Variants in FBF1 observed in about 807,000 individuals in gnomAD.
The protein encoded by FBF1 is Fas binding factor 1, also known as fas-binding factor 1.
Under a neutral mutation model 147.2 loss-of-function variants are expected in FBF1, and 119 were observed. That is an observed-to-expected ratio of 0.81 (90% confidence interval 0.70 to 0.94). The LOEUF (loss-of-function observed/expected upper bound fraction) is 0.94. Among genes scored for constraint, FBF1 ranks in the 40% least tolerant of loss-of-function variants. FBF1 has a pLI of 0.00. For missense variants in FBF1, 1,449 were observed against 1,500.8 expected, an observed-to-expected ratio of 0.97 and a Z score of 0.57; for synonymous variants, 601 against 609.0, an observed-to-expected ratio of 0.99 and a Z score of 0.19.
intron 3 of FBF1, 127 bp downstream of exon 3, chr17:75,937,439 G>A: frequency 4.9e-6 from 5 of 1,011,660 alleles, no homozygotes; most frequent in South Asian, 2.7e-5. Flanking sequence ...CAAAGCGCTG[G>A]GATTACAGGT....
chr17:75,913,974 C>G lies in FBF1; in HGVS notation c.3068G>C (p.Arg1023Pro), dbSNP rs775509470. ...AQQVQAEQQA[R>P]LQAVQQQQER... is the part of the protein sequence containing the mutation. The stretch of plus-strand genomic sequence containing the variant: ...CTGCTGTTGCTGCACCGCCTGCAAC[C>G]GGGCCTGCTGCTCTGCCTGCACCTG... The change falls in exon 27 of 30, where the codon CGG becomes CCG. Residue 1023 changes from arginine to proline, a missense_variant. Coordinates refer to ENST00000636174, the MANE Select transcript of FBF1 (RefSeq NM_001319193.2). 6.4e-7 allele frequency: 1 copy of G among 1,561,158 alleles called. No homozygotes were observed. Among genetic ancestry groups the G allele is most frequent in the South Asian group, 1.2e-5 (1 of 85,694 alleles).
In FBF1 at chr17:75,920,364, C is replaced by T. The variant is rs755259361; in HGVS notation, c.1740G>A (p.Leu580=). The T allele has an allele frequency of 1.9e-6, 3 of 1,606,144 alleles. No individual in the cohort carries two copies. Among genetic ancestry groups the T allele is most frequent in the African/African-American group, 1.3e-5 (1 of 74,920 alleles). The part of the protein sequence containing the change: ...LPSTEYQKQL[L]AAQVQLQCSP... Reference sequence around the variant, plus strand: ...TGCACTGAAGTTGCACCTGTGCTGCCAGGAGCTGCTTCTGGTATTCTGTGC... The same window carrying T: ...TGCACTGAAGTTGCACCTGTGCTGCTAGGAGCTGCTTCTGGTATTCTGTGC... The change falls in exon 18 of 30, where the codon CTG becomes CTA. Residue 580 remains leucine, a synonymous_variant. Transcript: ENST00000636174.
intron 23 of FBF1, among the ~76,000 whole-genome samples, chr17:75,916,094 C>A (rs1315934606): frequency 6.7e-6 from 1 of 149,974 alleles, no homozygotes; most frequent in African/African-American, 2.5e-5. Flanking sequence ...CCAAAGTGGG[C>A]AGCTTGTCTG....
At chr17:75,921,415 C>T in intron 16 of FBF1, 57 bp downstream of exon 16, 2 of 1,565,642 alleles carry the variant, frequency 1.3e-6, no homozygotes, top group Non-Finnish European at 1.7e-6. Flanking sequence ...AAGCTCAAAG[C>T]ACCTCTTCCT....
Position 75,910,369 on chromosome 17 carries a change from C to T in FBF1, c.*354G>A. ...AGGCCCAGGCAAAAAGAGCCCACAACAGTCTACCTGTGGAGCAGGGGGAGC... is the reference window on the plus strand; with the variant it reads ...AGGCCCAGGCAAAAAGAGCCCACAATAGTCTACCTGTGGAGCAGGGGGAGC... On this transcript the variant is annotated 3_prime_UTR_variant, in exon 30 of 30. Coordinates refer to ENST00000636174, the MANE Select transcript of FBF1 (RefSeq NM_001319193.2). This position sits in a 1 kb window ranked among gnomAD's most constrained non-coding sequence, Gnocchi z 4.1. The T allele has an allele frequency of 2.9e-6, 1 of 341,550 alleles. No individual in the cohort carries two copies. Among genetic ancestry groups the T allele is most frequent in the Non-Finnish European group, 5.5e-6 (1 of 180,314 alleles). The allele number at this position is 341,550 out of a possible 1,614,324, so 21.2% of individuals were successfully genotyped here.
At chr17:75,915,516 G>A (rs560236597) in intron 23 of FBF1, among the ~76,000 whole-genome samples, 1 of 152,334 alleles carries the variant, frequency 6.6e-6, no homozygotes, top group African/African-American at 2.4e-5. Context: ...TGTGGGCCCA[G>A]CCACACACAG....
chr17:75,917,785 C>A lies in FBF1; in HGVS notation c.2452G>T (p.Val818Phe), dbSNP rs2065497584. The change falls in exon 23 of 30, where the codon GTC (valine) becomes TTC (phenylalanine). Residue 818 changes from valine (V) to phenylalanine (F), a missense_variant. Val to Phe is a conservative substitution (Grantham distance 50). Transcript: ENST00000636174. ...AGCCGTGCCTCCATCTTCCCGATGA[C>A]CTCCTGTTGCCGGCTCCGCTCCTCC... ...MEEERSRQQE[V>F]IGKMEARLNE... 1.2e-6 allele frequency: 2 copies of A among 1,610,944 alleles called. No homozygotes were observed. The highest frequency in any genetic ancestry group is 2.7e-5 in the African/African-American group (2 of 74,872).
In FBF1 at chr17:75,926,181, C is replaced by T. The variant is rs764692725; in HGVS notation, c.735-18G>A. 83 of 1,605,252 alleles carry T rather than the reference C, an allele frequency of 5.2e-5. 3 individuals are homozygous for T. The highest frequency in any genetic ancestry group is 3.8e-4 in the South Asian group (34 of 90,074). On this transcript the variant is annotated intron_variant, in intron 11 of 29. Transcript: ENST00000636174. Reference sequence around the variant, plus strand: ...GCCCTTCCCTGCAGGACGGGACACACGGCAGGAACGTGTAGGTATGAGGGG... The same window carrying T: ...GCCCTTCCCTGCAGGACGGGACACATGGCAGGAACGTGTAGGTATGAGGGG...
chr17:75,938,689 C>A (rs1430579380), intron 1 of FBF1, among the ~76,000 whole-genome samples: 2 of 151,328 alleles, frequency 1.3e-5, no homozygotes, highest in Non-Finnish European at 2.9e-5. Flanking sequence ...CATGGTAAAA[C>A]CCCACCTCTA....
At chr17:75,913,489 A>C in intron 28 of FBF1, 1 of 470,110 alleles carries the variant, frequency 2.1e-6, no homozygotes. Flanking sequence ...TCCTGAGTCC[A>C]GAGTTACAAA....
Position 75,917,941 on chromosome 17 carries a change from C to T in FBF1, c.2376G>A (p.Glu792=). 6.2e-7 allele frequency: 1 copy of T among 1,601,422 alleles called. No individual in the cohort carries two copies. Among genetic ancestry groups the T allele is most frequent in the South Asian group, 1.1e-5 (1 of 89,584 alleles). The part of the protein sequence containing the change: ...ERELGIRQRD[E]QLRALQERLG... Reference sequence around the variant, plus strand: ...GAGGGGAGGGCGTACCCCGCAGCTGCTCGTCACGCTGCCGGATCCCCAGCT... The same window carrying T: ...GAGGGGAGGGCGTACCCCGCAGCTGTTCGTCACGCTGCCGGATCCCCAGCT... Residue 792 remains glutamate, a synonymous_variant, in exon 22 of 30, where the codon GAG becomes GAA. Coordinates refer to ENST00000636174, the MANE Select transcript of FBF1 (RefSeq NM_001319193.2).
chr17:75,926,332 C>T lies in FBF1; in HGVS notation c.690G>A (p.Gly230=). 1 of 1,613,274 alleles carries T rather than the reference C, an allele frequency of 6.2e-7. No individual in the cohort carries two copies. The highest frequency in any genetic ancestry group is 8.5e-7 in the Non-Finnish European group (1 of 1,179,652). The change falls in exon 11 of 30, where the codon GGG becomes GGA. Residue 230 remains glycine (G), a synonymous_variant. Transcript: ENST00000636174. ...DDGDDIMATL[G]FGDSPKAEKR... The stretch of plus-strand genomic sequence containing the variant: ...TCTCTGCTTTGGGGCTGTCTCCAAA[C>T]CCCAAGGTGGCCATGATGTCATCCC...
rs374090384 is a variant in FBF1, at chr17:75,930,042, T to A, written c.234A>T (p.Ser78=). The A allele has an allele frequency of 3.7e-4, 538 of 1,439,726 alleles. 2 individuals carry two copies. The Middle Eastern group carries it at 5.4e-3, about 14-fold the overall frequency. 89.2% of individuals were successfully genotyped at this position (1,439,726 alleles called of 1,614,324 possible). Residue 78 remains serine, a synonymous_variant, in exon 7 of 30, where the codon TCA becomes TCT. Coordinates refer to ENST00000636174, the MANE Select transcript of FBF1 (RefSeq NM_001319193.2). ...AGLEEADAEV[S]GISEADPQAL... ...CCTGTGGGTCTGCCTCTGAGATACC[T>A]GAAACCTAAGTCCACAATGAGGGTG...
intron 4 of FBF1, among the ~76,000 whole-genome samples, chr17:75,934,026 T>C (rs2065609424): frequency 6.6e-6 from 1 of 152,166 alleles, no homozygotes. Context: ...ACAGTTACCA[T>C]ATGGTCCAGG....
At position 75,923,657 on chromosome 17, in the gene FBF1, G is replaced by A. The variant is rs1372833509; in HGVS notation, c.969-16C>T. ...GAAGAACCTACTTCAAGACAGAAAG[G>A]AGGGTGTCAGGCAGGGGAAACAGCC... On this transcript the variant is annotated splice_polypyrimidine_tract_variant and intron_variant, in intron 13 of 29. Transcript: ENST00000636174. This position sits in a 1 kb window ranked among gnomAD's most constrained non-coding sequence, Gnocchi z 4.1. 2 of 1,571,366 alleles carry A rather than the reference G, an allele frequency of 1.3e-6. No homozygotes were observed. Among genetic ancestry groups the A allele is most frequent in the Admixed American group, 3.6e-5 (2 of 55,024 alleles).
intron 23 of FBF1, among the ~76,000 whole-genome samples, chr17:75,915,595 G>A (rs1599481596): frequency 6.6e-6 from 1 of 152,300 alleles, no homozygotes; most frequent in East Asian, 1.9e-4. Context: ...ATGAAGAGGC[G>A]AATCAAAATG....
chr17:75,937,154 C>A (rs990287485), intron 3 of FBF1, among the ~76,000 whole-genome samples: 1 of 151,926 alleles, frequency 6.6e-6, no homozygotes, highest in African/African-American at 2.4e-5. Flanking sequence ...ATGGGAAGAA[C>A]AGCAAGACTG....
chr17:75,931,261 T>A lies in FBF1; in HGVS notation c.196A>T (p.Thr66Ser). 1 of 1,583,528 alleles carries A rather than the reference T, an allele frequency of 6.3e-7. No homozygotes were observed. The highest frequency in any genetic ancestry group is 1.3e-5 in the African/African-American group (1 of 74,350). The change falls in exon 6 of 30, where the codon ACC (threonine) becomes TCC (serine). Residue 66 changes from threonine to serine, a missense_variant. Physicochemically the swap from Thr to Ser is moderately conservative, Grantham distance 58 (BLOSUM62 1). Transcript: ENST00000636174. ...TCAGCTTCTTCCAGGCCTGCCATGG[T>A]GCTGAAGACATCATCACCCAGGAGG... The part of the protein sequence containing the change: ...KSLLGDDVFS[T>S]MAGLEEADAE...
intron 5 of FBF1, among the ~76,000 whole-genome samples, chr17:75,932,718 T>C (rs1177884389): frequency 6.6e-6 from 1 of 152,114 alleles, no homozygotes; most frequent in Non-Finnish European, 1.5e-5. Context: ...AAACCTTGTC[T>C]CTACTAAAAA....
Sources: allele counts gnomAD v4.1 joint callset (sites outside exome capture counted in the v4.1 genomes callset), GRCh38; gene constraint gnomAD v4.1.1; non-coding constraint Gnocchi (gnomAD v3.1); transcripts MANE v1.5; gene names NCBI Gene and HGNC (gene_info 2026-07-23, HGNC 2026-07-21).